The following CAMKMT variants were observed in gnomAD, a reference collection of about 807,000 sequenced individuals.
CAMKMT encodes the protein CaM KMT.
CAMKMT carries 53 observed loss-of-function variants against 48.0 expected under a neutral mutation model. The observed-to-expected ratio is 1.10, with a 90% CI of 0.89 to 1.39. The LOEUF is 1.39. Among genes scored for constraint, CAMKMT ranks in the 40% most tolerant of loss-of-function variants. The probability of loss-of-function intolerance (pLI) is 0.00; values close to 1 mark genes in which losing one functional copy is unlikely to be tolerated. For missense variants in CAMKMT, 428 were observed against 402.7 expected, an observed-to-expected ratio of 1.06 and a Z score of -0.54; for synonymous variants, 165 against 152.3, an observed-to-expected ratio of 1.08 and a Z score of -0.61.
rs182252715 is a variant in CAMKMT at position 44,446,959 on chromosome 2, G to A, written c.376+56654G>A. Among the ~76,000 whole-genome samples, 5 of 152,254 alleles carry A rather than the reference G, an allele frequency of 3.3e-5. No homozygotes were observed. In the East Asian group the frequency reaches 9.6e-4, roughly 29 times the overall value. On this transcript the variant is annotated intron_variant, in intron 3 of 10. Coordinates refer to ENST00000378494, the MANE Select transcript of CAMKMT (RefSeq NM_024766.5). ...CTTTTCCACGTTAGCATTTATGAAG[G>A]TAGTCTATACTTGATTACCCAGGTG...
At chr2:44,739,296 A>C (rs2104363762) in intron 7 of CAMKMT, among the ~76,000 whole-genome samples, 1 of 152,326 alleles carries the variant, frequency 6.6e-6, no homozygotes, top group Admixed American at 6.5e-5. Flanking sequence ...AGAGCAGTAG[A>C]GATAGAGAGA....
chr2:44,605,942 C>G (rs1024304453), intron 3 of CAMKMT, among the ~76,000 whole-genome samples: 7 of 152,000 alleles, frequency 4.6e-5, no homozygotes, highest in African/African-American at 1.4e-4. Flanking sequence ...AATCTATAGG[C>G]AAAATTTCCT....
At chr2:44,419,249 G>T (rs1272807365) in intron 3 of CAMKMT, among the ~76,000 whole-genome samples, 3 of 152,180 alleles carry the variant, frequency 2.0e-5, no homozygotes, top group African/African-American at 7.2e-5. Flanking sequence ...TTGAAATGTG[G>T]ACCTAAGATG....
chr2:44,577,419 G>C (rs1256838597), intron 3 of CAMKMT, among the ~76,000 whole-genome samples: 2 of 152,094 alleles, frequency 1.3e-5, no homozygotes, highest in Non-Finnish European at 2.9e-5. Context: ...AGGCATTAGA[G>C]ACCAGCCTAG....
chr2:44,399,962 C>G (rs886694187), intron 3 of CAMKMT, among the ~76,000 whole-genome samples: 3 of 152,110 alleles, frequency 2.0e-5, no homozygotes, highest in Non-Finnish European at 4.4e-5. Context: ...GTTTAGAAGA[C>G]AAGGAAAGAG....
chr2:44,484,855 A>G (rs1231051020), intron 3 of CAMKMT, among the ~76,000 whole-genome samples: 1 of 151,976 alleles, frequency 6.6e-6, no homozygotes, highest in African/African-American at 2.4e-5. Context: ...AGAATATATA[A>G]CAAATTCTTA....
chr2:44,510,322 A>G (rs1407407473), intron 3 of CAMKMT, among the ~76,000 whole-genome samples: 1 of 152,138 alleles, frequency 6.6e-6, no homozygotes, highest in Non-Finnish European at 1.5e-5. Flanking sequence ...ATGTCTGTTA[A>G]TTTGAGTTCA....
At chr2:44,438,101 C>G (rs1021010558) in intron 3 of CAMKMT, among the ~76,000 whole-genome samples, 3 of 152,126 alleles carry the variant, frequency 2.0e-5, no homozygotes, top group Non-Finnish European at 4.4e-5. Flanking sequence ...CATGAGAAAA[C>G]TAAGGCACCA....
At chr2:44,640,219 G>C (rs1401178018) in intron 3 of CAMKMT, among the ~76,000 whole-genome samples, 1 of 152,150 alleles carries the variant, frequency 6.6e-6, no homozygotes, top group East Asian at 1.9e-4. Flanking sequence ...TTAAATAGAG[G>C]CATCATTAGA....
intron 3 of CAMKMT, among the ~76,000 whole-genome samples, chr2:44,554,610 C>A (rs1282798201): frequency 1.3e-5 from 2 of 152,076 alleles, no homozygotes; most frequent in African/African-American, 4.8e-5. Context: ...GTAGTACATG[C>A]CTATAGTCCC....
chr2:44,631,689 A>G, intron 3 of CAMKMT: 1 of 397,626 alleles, frequency 2.5e-6, no homozygotes, highest in Non-Finnish European at 4.4e-6. Flanking sequence ...GTACTGTTTA[A>G]TTGAACTGAA....
intron 6 of CAMKMT, among the ~76,000 whole-genome samples, chr2:44,708,238 G>C (rs201989289): frequency 1.3e-4 from 1 of 7,982 alleles, no homozygotes; most frequent in African/African-American, 6.5e-4. Context: ...TTTTTTTTTG[G>C]TGTGCCTTAC....
At chr2:44,625,208 A>G (rs932168022) in intron 3 of CAMKMT, among the ~76,000 whole-genome samples, 2 of 152,094 alleles carry the variant, frequency 1.3e-5, no homozygotes, top group Non-Finnish European at 2.9e-5. Context: ...ATGTAATAGT[A>G]TCTTATTGTG....
intron 3 of CAMKMT, among the ~76,000 whole-genome samples, chr2:44,577,126 A>G (rs1188196903): frequency 6.6e-6 from 1 of 152,240 alleles, no homozygotes; most frequent in African/African-American, 2.4e-5. Flanking sequence ...GGGAAATGCC[A>G]TGAATTCCCA....
intron 3 of CAMKMT, among the ~76,000 whole-genome samples, chr2:44,611,175 T>C (rs1671577082): frequency 1.3e-5 from 2 of 152,198 alleles, no homozygotes; most frequent in Admixed American, 1.3e-4. Flanking sequence ...CTCATGCCTG[T>C]AATCCCAGCA....
At chr2:44,434,402 T>G (rs1218889775) in intron 3 of CAMKMT, among the ~76,000 whole-genome samples, 1 of 152,212 alleles carries the variant, frequency 6.6e-6, no homozygotes, top group East Asian at 1.9e-4. Flanking sequence ...ATTTGTTGCT[T>G]CTAAAAGTAA....
intron 3 of CAMKMT, among the ~76,000 whole-genome samples, chr2:44,434,390 G>T (rs1211181515): frequency 1.3e-5 from 2 of 152,132 alleles, no homozygotes; most frequent in Non-Finnish European, 2.9e-5. Context: ...TCTTCTGTAG[G>T]AATTTGTTGC....
chr2:44,634,813 G>A (rs867469236), intron 3 of CAMKMT, among the ~76,000 whole-genome samples: 42 of 58,404 alleles, frequency 7.2e-4, no homozygotes, highest in Admixed American at 1.3e-3. Flanking sequence ...AAAAAAAAAA[G>A]CATTCTAGTC....
chr2:44,583,563 C>A (rs1480676096), intron 3 of CAMKMT, among the ~76,000 whole-genome samples: 3 of 152,072 alleles, frequency 2.0e-5, no homozygotes, highest in Non-Finnish European at 2.9e-5. Flanking sequence ...GAGGCTGAGA[C>A]AAGAAGGTTT....
Sources: gnomAD v4.1 joint callset for allele counts (sites outside exome capture counted in the v4.1 genomes callset) on GRCh38, gnomAD v4.1.1 for gene constraint, MANE v1.5 for transcripts, NCBI Gene and HGNC (gene_info 2026-07-23, HGNC 2026-07-21) for gene names.